Variants in ADGRL3 observed in about 807,000 individuals in gnomAD.
ADGRL3 encodes adhesion G protein-coupled receptor L3.
In ADGRL3, 62 loss-of-function variants were observed where a neutral mutation model predicts 153.5. That is an observed-to-expected ratio of 0.40 (90% CI 0.33 to 0.50). The LOEUF (loss-of-function observed/expected upper bound fraction) is 0.50. ADGRL3 is among the 20% of genes least tolerant of loss of function. ADGRL3 has a pLI of 0.47. For missense variants in ADGRL3, 1,641 were observed against 1,859.4 expected (o/e 0.88, Z 2.16); for synonymous variants, 710 against 672.5 (o/e 1.06, Z -0.86).
intron 8 of ADGRL3, among the ~76,000 whole-genome samples, chr4:61,792,958 T>C (rs538406159): frequency 6.7e-6 from 1 of 149,446 alleles, no homozygotes; most frequent in Non-Finnish European, 1.5e-5. Flanking sequence ...GATAAAGACA[T>C]ACCCGCGACT....
At chr4:61,883,141 T>C (rs2098518312) in intron 9 of ADGRL3, among the ~76,000 whole-genome samples, 1 of 151,968 alleles carries the variant, frequency 6.6e-6, no homozygotes, top group Non-Finnish European at 1.5e-5. Flanking sequence ...ACAAAAAAAT[T>C]TGCAAGTCGC....
intron 4 of ADGRL3, among the ~76,000 whole-genome samples, chr4:61,535,338 T>C (rs1490706047): frequency 6.6e-6 from 1 of 152,088 alleles, no homozygotes; most frequent in East Asian, 1.9e-4. Flanking sequence ...GGATTTGGTT[T>C]GCTAGTATTT....
intron 1 of ADGRL3, among the ~76,000 whole-genome samples, chr4:61,310,488 G>A (rs2094956294): frequency 6.6e-6 from 1 of 152,060 alleles, no homozygotes; most frequent in African/African-American, 2.4e-5. Flanking sequence ...GTTATTCCAG[G>A]ATGTAGTCAA....
intron 9 of ADGRL3, among the ~76,000 whole-genome samples, chr4:61,872,499 G>T (rs1351957289): frequency 6.8e-6 from 1 of 147,478 alleles, no homozygotes; most frequent in Non-Finnish European, 1.5e-5. Context: ...ATGTTATCAA[G>T]TAGTTAGAAG....
At position 61,440,474 on chromosome 4, in the gene ADGRL3, C is replaced by G. The variant is rs563790371; in HGVS notation, c.-173-56647C>G. Among the ~76,000 whole-genome samples, 8 of 152,322 alleles carry G rather than the reference C, an allele frequency of 5.3e-5. No homozygotes were observed. In the South Asian group the frequency reaches 1.7e-3, roughly 32 times the overall value. On this transcript the variant is annotated intron_variant, in intron 2 of 26. Coordinates refer to ENST00000683033, the MANE Select transcript of ADGRL3 (RefSeq NM_001387552.1). ...TAATTGGGCAGCTCAAATCATGTAA[C>G]AGGTGATTCAGAGCCTATTTATAAA...
intron 9 of ADGRL3, among the ~76,000 whole-genome samples, chr4:61,821,140 C>T (rs917203811): frequency 7.0e-6 from 1 of 142,596 alleles, no homozygotes; most frequent in Non-Finnish European, 1.5e-5. Flanking sequence ...TATAGAAATT[C>T]TTCACAGCAT....
At chr4:61,891,134 A>G (rs983600764) in intron 9 of ADGRL3, among the ~76,000 whole-genome samples, 2 of 152,180 alleles carry the variant, frequency 1.3e-5, no homozygotes, top group African/African-American at 4.8e-5. Flanking sequence ...CTATATTGCC[A>G]TTTTGCTCTG....
At chr4:61,959,011 A>T (rs541970614) in intron 17 of ADGRL3, among the ~76,000 whole-genome samples, 6 of 152,350 alleles carry the variant, frequency 3.9e-5, no homozygotes, top group African/African-American at 1.4e-4. Flanking sequence ...AAAAGTAACC[A>T]TTATAAAATT....
At chr4:61,748,651 A>C (rs866121739) in intron 8 of ADGRL3, among the ~76,000 whole-genome samples, 27 of 152,156 alleles carry the variant, frequency 1.8e-4, no homozygotes, top group Non-Finnish European at 3.2e-4. Context: ...AAAACTGGCT[A>C]GCCATATGTA....
intron 2 of ADGRL3, among the ~76,000 whole-genome samples, chr4:61,456,303 T>A (rs1198063501): frequency 6.7e-6 from 1 of 148,626 alleles, no homozygotes; most frequent in African/African-American, 2.5e-5. Context: ...TCCCAAATTG[T>A]CCACTAGTTT....
intron 8 of ADGRL3, among the ~76,000 whole-genome samples, chr4:61,782,877 C>CA (rs2097230515): frequency 6.6e-6 from 1 of 152,058 alleles, no homozygotes; most frequent in South Asian, 2.1e-4. Context: ...ATTTTAGAGC[C>CA]AAAGTCTTAA....
chr4:61,752,123 C>A (rs979976734), intron 8 of ADGRL3, among the ~76,000 whole-genome samples: 4 of 152,068 alleles, frequency 2.6e-5, no homozygotes, highest in African/African-American at 7.2e-5. Context: ...TCCATACTTA[C>A]CTCGGGAAGA....
At chr4:62,002,560 AAAT>A in intron 21 of ADGRL3, among the ~76,000 whole-genome samples, 1 of 151,954 alleles carries the variant, frequency 6.6e-6, no homozygotes, top group Non-Finnish European at 1.5e-5. Context: ...TCTCTAGAAA[AAAT>A]AATAAAAAAT....
At chr4:61,678,755 T>G (rs1396035923) in intron 6 of ADGRL3, among the ~76,000 whole-genome samples, 3 of 152,144 alleles carry the variant, frequency 2.0e-5, no homozygotes, top group African/African-American at 7.2e-5. Flanking sequence ...TTATACTCAC[T>G]TGCCAGTTTA....
rs367700547 is a variant in ADGRL3, at chr4:61,379,978, C to T, written c.-239-3146C>T. The stretch of plus-strand genomic sequence containing the variant: ...TGGCTTTTTTGCCTTCAAATTCTGG[C>T]CTTGCCACTAATATCCATACCAACC... On this transcript the variant is annotated intron_variant, in intron 1 of 26. Transcript: ENST00000683033. Among the ~76,000 whole-genome samples the T allele has an allele frequency of 3.2e-4, 48 of 151,884 alleles. No homozygotes were observed. The South Asian group carries it at 9.6e-3, about 30-fold the overall frequency.
intron 8 of ADGRL3, among the ~76,000 whole-genome samples, chr4:61,790,029 A>G (rs1289559193): frequency 1.3e-5 from 2 of 152,194 alleles, no homozygotes; most frequent in South Asian, 2.1e-4. Flanking sequence ...TTTAGGATAC[A>G]TTTTAGTCAT....
rs1196160734 is a variant in ADGRL3, at chr4:61,876,254, C to T, written c.1481-16402C>T. ...CTGGATTGCTGGATGCTCAATATTA[C>T]AGTATCATTCATAAGTCTATTTTAT... On this transcript the variant is annotated intron_variant, in intron 9 of 26. Transcript: ENST00000683033. Among the ~76,000 whole-genome samples, 4 of 150,056 alleles carry T rather than the reference C, an allele frequency of 2.7e-5. No homozygotes were observed. The Admixed American group carries it at 2.7e-4, about 10-fold the overall frequency.
chr4:61,962,229 C>T (rs1362060316), intron 17 of ADGRL3, among the ~76,000 whole-genome samples: 2 of 151,732 alleles, frequency 1.3e-5, no homozygotes, highest in Non-Finnish European at 2.9e-5. Context: ...GCAGAACAAG[C>T]CTCCATCTCA....
chr4:61,750,618 C>T (rs1381049302), intron 8 of ADGRL3, among the ~76,000 whole-genome samples: 1 of 151,842 alleles, frequency 6.6e-6, no homozygotes, highest in African/African-American at 2.4e-5. Flanking sequence ...GGTGAAACCC[C>T]GTCTCTACTA....
Sources: gnomAD v4.1 joint callset for allele counts (sites outside exome capture counted in the v4.1 genomes callset) on GRCh38, gnomAD v4.1.1 for gene constraint, MANE v1.5 for transcripts, NCBI Gene and HGNC (gene_info 2026-07-23, HGNC 2026-07-21) for gene names.